ZIM2: variants seen among roughly 807,000 people sequenced by gnomAD.
ZIM2 encodes the protein zinc finger imprinted 2, also known as zinc finger protein 656.
In ZIM2, 14 loss-of-function variants were observed where a neutral mutation model predicts 38.6. The observed-to-expected ratio is 0.36, with a 90% CI of 0.24 to 0.57. The LOEUF (loss-of-function observed/expected upper bound fraction) is 0.57, where lower values mean the gene tolerates loss of function less well. Among genes scored for constraint, ZIM2 ranks in the 20% least tolerant of loss-of-function variants. The pLI, the probability that ZIM2 is intolerant of heterozygous loss-of-function variation, is 0.81. For synonymous variants in ZIM2, 247 were observed against 245.8 expected (o/e 1.00, Z -0.04); for missense variants, 680 against 695.1 (o/e 0.98, Z 0.24).
chr19:56,840,683 C>T lies in ZIM2; in HGVS notation c.-415G>A, dbSNP rs2302376. Reference sequence around the variant, plus strand: ...CCACCAGCCCAGGGTGGACATCTCCCGCGCCTCCCAAACCTCTCCTCCCGC... The same window carrying T: ...CCACCAGCCCAGGGTGGACATCTCCTGCGCCTCCCAAACCTCTCCTCCCGC... On this transcript the variant is annotated 5_prime_UTR_variant, in exon 1 of 13. Transcript: ENST00000629319. 34,703 of 152,740 alleles carry T rather than the reference C, an allele frequency of 0.23. 4,862 individuals carry two copies. The highest frequency in any genetic ancestry group is 0.34 in the Admixed American group (5,159 of 15,316). 9.5% of individuals were successfully genotyped at this position (152,740 alleles called of 1,614,324 possible).
chr19:56,817,734 C>T lies in ZIM2; in HGVS notation c.490+12G>A. On this transcript the variant is annotated intron_variant, in intron 9 of 12. Transcript: ENST00000629319. ...TTGTGTGGCTCCTCTGTGGGATGTG[C>T]CTCCTGCTTACCTCGACTGGTGCTT... The T allele has an allele frequency of 6.2e-7, 1 of 1,610,788 alleles. No homozygotes were observed. The highest frequency in any genetic ancestry group is 8.5e-7 in the Non-Finnish European group (1 of 1,177,016).
intron 10 of ZIM2, among the ~76,000 whole-genome samples, chr19:56,789,140 A>G (rs1317404373): frequency 2.6e-5 from 4 of 152,106 alleles, no homozygotes; most frequent in Non-Finnish European, 5.9e-5. Context: ...AGTTTTTTAC[A>G]TAAGTATGTC....
At chr19:56,790,205 A>C (rs2046856343) in intron 9 of ZIM2, 1 of 355,482 alleles carries the variant, frequency 2.8e-6, no homozygotes, top group Non-Finnish European at 5.0e-6. Context: ...AGTTCCCTCC[A>C]TATCAGTCAT....
chr19:56,793,593 C>T (rs1448419672), intron 9 of ZIM2, among the ~76,000 whole-genome samples: 1 of 152,100 alleles, frequency 6.6e-6, no homozygotes, highest in African/African-American at 2.4e-5. Flanking sequence ...TATAAATAGC[C>T]AATCAACATA....
chr19:56,815,932 C>T, intron 9 of ZIM2: 5 of 1,605,566 alleles, frequency 3.1e-6, no homozygotes, highest in Non-Finnish European at 4.3e-6. Flanking sequence ...AGCCACTAAG[C>T]TATGGATAAC....
chr19:56,817,160 C>G (rs146055813), intron 9 of ZIM2: 1 of 1,614,198 alleles, frequency 6.2e-7, no homozygotes, highest in Non-Finnish European at 8.5e-7. Context: ...AGGCTGCTCA[C>G]GCTCATGGCT....
chr19:56,813,655 C>T lies in ZIM2; in HGVS notation c.490+4091G>A, dbSNP rs1383221103. The T allele has an allele frequency of 1.9e-6, 3 of 1,598,710 alleles. No individual in the cohort carries two copies. The African/African-American group carries it at 4.0e-5, about 21-fold the overall frequency. ...GGGTCAAGTCCTAGGTGAAGGTTTT[C>T]TAACCTTTACCCCATGCCCTCAGCC... is the stretch of plus-strand genomic sequence containing the variant. On this transcript the variant is annotated intron_variant, in intron 9 of 12. Coordinates refer to ENST00000629319, the MANE Select transcript of ZIM2 (RefSeq NM_001387356.1).
chr19:56,777,764 TATC>T (rs1164917732), intron 12 of ZIM2, among the ~76,000 whole-genome samples: 2 of 152,180 alleles, frequency 1.3e-5, no homozygotes, highest in African/African-American at 4.8e-5. Context: ...AGTTCTAAAA[TATC>T]AATAACACTA....
intron 9 of ZIM2, among the ~76,000 whole-genome samples, chr19:56,804,722 G>C (rs1353491672): frequency 6.6e-6 from 1 of 152,066 alleles, no homozygotes; most frequent in East Asian, 1.9e-4. Flanking sequence ...CTTCTTCAAG[G>C]GTGGAAATTT....
chr19:56,777,058 T>C (rs2046057826), intron 12 of ZIM2, among the ~76,000 whole-genome samples: 1 of 152,164 alleles, frequency 6.6e-6, no homozygotes, highest in South Asian at 2.1e-4. Context: ...TAAAGGCAAC[T>C]CTCTGGTTGG....
In ZIM2 at chr19:56,775,024, C is replaced by G; in HGVS notation, c.1341G>C (p.Gln447His). Residue 447 changes from glutamine (Q) to histidine (H), a missense_variant, in exon 13 of 13, where the codon CAG (glutamine) becomes CAC (histidine). Gln to His is a conservative substitution (Grantham distance 24). Coordinates refer to ENST00000629319, the MANE Select transcript of ZIM2 (RefSeq NM_001387356.1). ...HSQEDYFECF[Q>H]CGKAFLQNVH... ...CATTCTGGAGAAAAGCTTTGCCGCACTGAAAACATTCAAAGTAGTCCTCCT... is the reference window on the plus strand; with the variant it reads ...CATTCTGGAGAAAAGCTTTGCCGCAGTGAAAACATTCAAAGTAGTCCTCCT... 6.2e-7 allele frequency: 1 copy of G among 1,614,166 alleles called. No homozygotes were observed. Among genetic ancestry groups the G allele is most frequent in the Non-Finnish European group, 8.5e-7 (1 of 1,180,038 alleles).
chr19:56,775,547 G>C lies in ZIM2; in HGVS notation c.836-18C>G. ...AGACTCTCCTGCAGAGACAATGCCA[G>C]AAGTTACCTACCGCCCAATTATCCA... On this transcript the variant is annotated intron_variant, in intron 12 of 12. Coordinates refer to ENST00000629319, the MANE Select transcript of ZIM2 (RefSeq NM_001387356.1). The C allele has an allele frequency of 6.3e-7, 1 of 1,578,330 alleles. No homozygotes were observed. The highest frequency in any genetic ancestry group is 8.6e-7 in the Non-Finnish European group (1 of 1,163,682).
chr19:56,824,562 C>T (rs1274774138), intron 3 of ZIM2, 135 bp from the exon 4 acceptor site: 6 of 1,614,156 alleles, frequency 3.7e-6, no homozygotes, highest in Middle Eastern at 1.6e-4. Flanking sequence ...ATGATGACAT[C>T]CGGCTCCTTA....
chr19:56,812,771 C>G (rs1301840894), intron 9 of ZIM2: 1 of 983,052 alleles, frequency 1.0e-6, no homozygotes, highest in Non-Finnish European at 1.2e-6. Flanking sequence ...CAGGGAAAAG[C>G]TTCGGGTTTT....
At position 56,824,304 on chromosome 19, in the gene ZIM2, C is replaced by T. The variant is rs747010640; in HGVS notation, c.-27G>A. 2.5e-5 allele frequency: 41 copies of T among 1,614,070 alleles called. No individual in the cohort carries two copies. Among genetic ancestry groups the T allele is most frequent in the South Asian group, 4.4e-5 (4 of 91,072 alleles). On this transcript the variant is annotated 5_prime_UTR_variant, in exon 4 of 13. Coordinates refer to ENST00000629319, the MANE Select transcript of ZIM2 (RefSeq NM_001387356.1). ...TCCTTGTAATTCTCCAGCAGAGTGA[C>T]GAGCTTCTCACAGTTCTCCGGCTTT...
intron 8 of ZIM2, among the ~76,000 whole-genome samples, chr19:56,818,289 T>A (rs1568651498): frequency 6.6e-6 from 1 of 152,136 alleles, no homozygotes; most frequent in South Asian, 2.1e-4. Flanking sequence ...GAACTCAGGA[T>A]CCCATCCTGA....
intron 9 of ZIM2, 185 bp from the exon 10 acceptor site, chr19:56,790,136 T>G: frequency 7.1e-6 from 3 of 423,318 alleles, no homozygotes; most frequent in Admixed American, 4.3e-5. Context: ...AAGAGAGCTC[T>G]GGTTATTTCC....
chr19:56,820,805 T>C (rs2060412514), intron 7 of ZIM2, among the ~76,000 whole-genome samples: 1 of 152,230 alleles, frequency 6.6e-6, no homozygotes, highest in South Asian at 2.1e-4. Flanking sequence ...GCAGGGCCCC[T>C]CTCTGTGTTG....
At chr19:56,826,094 G>A (rs543737500) in intron 3 of ZIM2, among the ~76,000 whole-genome samples, 1 of 152,280 alleles carries the variant, frequency 6.6e-6, no homozygotes, top group East Asian at 1.9e-4. Context: ...ATAGGACTGA[G>A]AAACCACGGA....
Sources: gnomAD v4.1 joint callset for allele counts (sites outside exome capture counted in the v4.1 genomes callset) on GRCh38, gnomAD v4.1.1 for gene constraint, MANE v1.5 for transcripts, NCBI Gene and HGNC (gene_info 2026-07-23, HGNC 2026-07-21) for gene names.